The following RFTN1 variants were observed in gnomAD, a reference collection of about 807,000 sequenced individuals.
RFTN1 encodes raftlin, lipid raft linker 1.
A neutral mutation model predicts 46.5 loss-of-function variants in RFTN1; 26 were observed. The observed-to-expected ratio is 0.56, with a 90% CI of 0.41 to 0.78. The LOEUF is 0.78. Ranked by LOEUF, RFTN1 falls within the 30% of genes least tolerant of loss-of-function variation. RFTN1 has a pLI of 0.00. For missense variants in RFTN1, 693 were observed against 718.7 expected (o/e 0.96, Z 0.41); for synonymous variants, 261 against 284.2 (o/e 0.92, Z 0.82).
rs895668663 is a variant in RFTN1 at position 16,351,866 on chromosome 3, G to A, written c.1146+6066C>T. Among the ~76,000 whole-genome samples, 1 of 151,782 alleles carries A rather than the reference G, an allele frequency of 6.6e-6. No homozygotes were observed. Among genetic ancestry groups the A allele is most frequent in the Non-Finnish European group, 1.5e-5 (1 of 68,002 alleles). On this transcript the variant is annotated intron_variant, in intron 7 of 9. Coordinates refer to ENST00000334133, the MANE Select transcript of RFTN1 (RefSeq NM_015150.2). This position sits in a 1 kb window ranked among gnomAD's most constrained non-coding sequence, Gnocchi z 5.4. ...TGAATTAGGGGTGTGTTGGGTGAGG[G>A]GACTAGAAAGACTAGAAAAAAAAAT... is the stretch of plus-strand genomic sequence containing the variant.
rs971983587 is a variant in RFTN1 at position 16,381,875 on chromosome 3, C to G, written c.442-3773G>C. 3.9e-5 allele frequency among the ~76,000 whole-genome samples: 6 copies of G among 152,174 alleles called. No homozygotes were observed. The highest frequency in any genetic ancestry group is 1.4e-4 in the African/African-American group (6 of 41,442). ...CCGCAAAGGCTCTCAGTTCACCCTGCAGGCCAGCATATCCGACTCTCCCAC... is the reference window on the plus strand; with the variant it reads ...CCGCAAAGGCTCTCAGTTCACCCTGGAGGCCAGCATATCCGACTCTCCCAC... On this transcript the variant is annotated intron_variant, in intron 4 of 9. Coordinates refer to ENST00000334133, the MANE Select transcript of RFTN1 (RefSeq NM_015150.2). The surrounding 1 kb of genome is among the most constrained non-coding windows in gnomAD (Gnocchi z 4.2).
chr3:16,431,773 TG>T (rs1355267401), intron 3 of RFTN1, among the ~76,000 whole-genome samples: 1 of 152,296 alleles, frequency 6.6e-6, no homozygotes, highest in Non-Finnish European at 1.5e-5. Context: ...AGGGGTAAAA[TG>T]GGGGAAAGGT....
chr3:16,397,017 T>G (rs2074483879), intron 4 of RFTN1, among the ~76,000 whole-genome samples: 1 of 150,822 alleles, frequency 6.6e-6, no homozygotes, highest in African/African-American at 2.5e-5. Flanking sequence ...GAACTGAGAT[T>G]TCACCATTGC....
intron 3 of RFTN1, among the ~76,000 whole-genome samples, chr3:16,415,430 T>TATATATATATATACAC: frequency 1.8e-4 from 20 of 114,276 alleles, no homozygotes; most frequent in African/African-American, 5.2e-4. Flanking sequence ...TATATATATA[T>TATATATATATATACAC]ACACACACAC....
rs57731256 is a variant in RFTN1 at position 16,473,773 on chromosome 3, G to GCTACTCC, written c.145+19945_145+19951dup. Among the ~76,000 whole-genome samples, 11,328 of 152,118 alleles carry GCTACTCC rather than the reference G, an allele frequency of 0.074. 565 individuals are homozygous for GCTACTCC. The highest frequency in any genetic ancestry group is 0.13 in the Middle Eastern group (39 of 294). On this transcript the variant is annotated intron_variant, in intron 2 of 9. Coordinates refer to ENST00000334133, the MANE Select transcript of RFTN1 (RefSeq NM_015150.2). This position sits in a 1 kb window ranked among gnomAD's most constrained non-coding sequence, Gnocchi z 5.3. ...ATTTTTACTTTCTTCCACCCTGCTG[G>GCTACTCC]CTACTCCCTCAGAGACGGAGAGTCC...
chr3:16,366,626 T>A (rs1371811132), intron 6 of RFTN1, among the ~76,000 whole-genome samples: 6 of 152,210 alleles, frequency 3.9e-5, no homozygotes, highest in African/African-American at 1.2e-4. Flanking sequence ...ACCCCCTTCT[T>A]TCTTCCTGCC....
At chr3:16,331,939 T>C (rs991480074) in intron 7 of RFTN1, among the ~76,000 whole-genome samples, 1 of 152,258 alleles carries the variant, frequency 6.6e-6, no homozygotes, top group South Asian at 2.1e-4. Flanking sequence ...TGAAAGTACC[T>C]CTAGTAGTTT....
At chr3:16,319,957 G>A (rs571076546) in intron 9 of RFTN1, among the ~76,000 whole-genome samples, 16 of 152,328 alleles carry the variant, frequency 1.1e-4, no homozygotes, top group Admixed American at 7.2e-4. Flanking sequence ...GATAAAACAG[G>A]TTGCACTGAG....
At chr3:16,403,033 G>A (rs1400138913) in intron 4 of RFTN1, among the ~76,000 whole-genome samples, 1 of 152,190 alleles carries the variant, frequency 6.6e-6, no homozygotes, top group Non-Finnish European at 1.5e-5. Flanking sequence ...TCTCCCGCAG[G>A]CAGGACGAGG....
chr3:16,411,646 C>G (rs780236745), intron 3 of RFTN1, among the ~76,000 whole-genome samples: 3 of 152,158 alleles, frequency 2.0e-5, no homozygotes, highest in Admixed American at 6.5e-5. Flanking sequence ...TTAAGAGGAA[C>G]TAAGGCAGAT....
At chr3:16,470,229 C>T (rs554315819) in intron 2 of RFTN1, among the ~76,000 whole-genome samples, 15 of 150,516 alleles carry the variant, frequency 1.0e-4, no homozygotes, top group Admixed American at 2.0e-4. Flanking sequence ...TCTGCACACA[C>T]GCACACACAC....
chr3:16,417,526 T>TA (rs1241413378), intron 3 of RFTN1, among the ~76,000 whole-genome samples: 1 of 152,184 alleles, frequency 6.6e-6, no homozygotes, highest in Non-Finnish European at 1.5e-5. Flanking sequence ...AAAAGACCCC[T>TA]ATTCTGTGTC....
rs186210127 is a variant in RFTN1, at chr3:16,468,318, A to T, written c.145+25407T>A. On this transcript the variant is annotated intron_variant, in intron 2 of 9. Coordinates refer to ENST00000334133, the MANE Select transcript of RFTN1 (RefSeq NM_015150.2). The surrounding 1 kb of genome is among the most constrained non-coding windows in gnomAD (Gnocchi z 4.4). ...CCTCACTGTCGTTCGTTTTTGAAGT[A>T]CCTGCATTCTGTCTCGAGTTTCCGG... is the stretch of plus-strand genomic sequence containing the variant. 6.6e-6 allele frequency among the ~76,000 whole-genome samples: 1 copy of T among 152,132 alleles called. No individual in the cohort carries two copies. Among genetic ancestry groups the T allele is most frequent in the Non-Finnish European group, 1.5e-5 (1 of 68,036 alleles).
At chr3:16,444,283 T>C (rs188717457) in intron 2 of RFTN1, among the ~76,000 whole-genome samples, 55 of 152,342 alleles carry the variant, frequency 3.6e-4, no homozygotes, top group African/African-American at 1.2e-3. Context: ...TAGCCACTAA[T>C]GAGTATGTAC....
intron 4 of RFTN1, among the ~76,000 whole-genome samples, chr3:16,393,652 TTTTTTTTTTTAA>T (rs982125924): frequency 2.6e-5 from 2 of 77,188 alleles, no homozygotes; most frequent in African/African-American, 8.3e-5. Flanking sequence ...GCTGATGGAC[TTTTTTTTTTTAA>T]TTTTTTTTTT....
chr3:16,343,097 A>C (rs2125294538), intron 7 of RFTN1, among the ~76,000 whole-genome samples: 1 of 152,288 alleles, frequency 6.6e-6, no homozygotes, highest in African/African-American at 2.4e-5. Context: ...CTCCCACTTC[A>C]GCCTCCCAAA....
chr3:16,426,907 C>T lies in RFTN1; in HGVS notation c.332+6944G>A, dbSNP rs146690224. ...CAATATCTATTCAAGGCCTGGCACT[C>T]TGAGCAAGCAATGGGAATCCAAAGA... On this transcript the variant is annotated intron_variant, in intron 3 of 9. Coordinates refer to ENST00000334133, the MANE Select transcript of RFTN1 (RefSeq NM_015150.2). This position sits in a 1 kb window ranked among gnomAD's most constrained non-coding sequence, Gnocchi z 5.9. 3.1e-3 allele frequency among the ~76,000 whole-genome samples: 466 copies of T among 152,222 alleles called. 4 individuals carry two copies. The highest frequency in any genetic ancestry group is 0.011 in the African/African-American group (441 of 41,524).
At chr3:16,332,627 C>G (rs2070438616) in intron 7 of RFTN1, among the ~76,000 whole-genome samples, 1 of 152,198 alleles carries the variant, frequency 6.6e-6, no homozygotes, top group East Asian at 1.9e-4. Flanking sequence ...AACCTCCCAT[C>G]CCATGGTGAT....
chr3:16,366,564 G>A (rs1484649035), intron 6 of RFTN1, among the ~76,000 whole-genome samples: 1 of 152,064 alleles, frequency 6.6e-6, no homozygotes, highest in Non-Finnish European at 1.5e-5. Flanking sequence ...TGCCAGCATA[G>A]CCACGTCTTT....
Sources: gnomAD v4.1 joint callset for allele counts (sites outside exome capture counted in the v4.1 genomes callset) on GRCh38, gnomAD v4.1.1 for gene constraint, Gnocchi (gnomAD v3.1) non-coding constraint, MANE v1.5 for transcripts, NCBI Gene and HGNC (gene_info 2026-07-23, HGNC 2026-07-21) for gene names.